The following DENND5B variants were observed in gnomAD, a reference collection of about 807,000 sequenced individuals.
DENND5B encodes DENN domain containing 5B, also known as DENN domain-containing protein 5B.
Under a neutral mutation model 140.6 loss-of-function variants are expected in DENND5B, and 34 were observed. The ratio of observed to expected loss-of-function variants is 0.24; its 90% CI spans 0.18 to 0.32. DENND5B has a LOEUF of 0.32. Ranked by LOEUF, DENND5B falls within the 10% of genes least tolerant of loss-of-function variation. DENND5B has a pLI of 1.00. For synonymous variants in DENND5B, 551 were observed against 562.1 expected, an observed-to-expected ratio of 0.98 and a Z score of 0.28; for missense variants, 1,142 against 1,560.2, an observed-to-expected ratio of 0.73 and a Z score of 4.52.
intron 1 of DENND5B, among the ~76,000 whole-genome samples, chr12:31,556,554 A>C (rs940316198): frequency 1.3e-5 from 2 of 152,146 alleles, no homozygotes; most frequent in African/African-American, 4.8e-5. Flanking sequence ...TGGGAATTTC[A>C]GAGGCTTTGC....
intron 3 of DENND5B, among the ~76,000 whole-genome samples, chr12:31,460,952 T>G (rs2682681): frequency 1.3e-5 from 2 of 152,086 alleles, no homozygotes; most frequent in Non-Finnish European, 2.9e-5. Context: ...TCTTGAACTC[T>G]TGACCTCAAG....
chr12:31,573,646 T>C (rs1050269666), intron 1 of DENND5B, among the ~76,000 whole-genome samples: 1 of 152,248 alleles, frequency 6.6e-6, no homozygotes, highest in Non-Finnish European at 1.5e-5. Context: ...GAGACTCTTA[T>C]AATGACTCCA....
At chr12:31,481,811 G>A (rs75658703) in intron 2 of DENND5B, among the ~76,000 whole-genome samples, 1,724 of 152,298 alleles carry the variant, frequency 0.011, 19 homozygotes, top group East Asian at 0.031. Flanking sequence ...AGAATTAGAC[G>A]TGCCTCTTAG....
At chr12:31,457,683 ATAGTT>A (rs1182237246) in intron 4 of DENND5B, among the ~76,000 whole-genome samples, 3 of 151,880 alleles carry the variant, frequency 2.0e-5, no homozygotes, top group African/African-American at 7.3e-5. Context: ...GTCCTAATTT[ATAGTT>A]TCTACACAGA....
chr12:31,482,787 G>T (rs1476123033), intron 2 of DENND5B, among the ~76,000 whole-genome samples: 1 of 152,102 alleles, frequency 6.6e-6, no homozygotes, highest in Non-Finnish European at 1.5e-5. Context: ...GTAACAGCCT[G>T]TTTCTGCCCT....
intron 1 of DENND5B, among the ~76,000 whole-genome samples, chr12:31,544,281 A>T (rs1021052586): frequency 5.3e-5 from 8 of 152,166 alleles, no homozygotes; most frequent in African/African-American, 1.7e-4. Context: ...TCACATTTTT[A>T]ATTTTAATTT....
rs140174791 is a variant in DENND5B, at chr12:31,451,784, T to C, written c.1629+156A>G. 3.6e-4 allele frequency: 303 copies of C among 834,730 alleles called. 3 individuals carry two copies. The African/African-American group carries it at 4.2e-3, about 12-fold the overall frequency. 51.7% of individuals were successfully genotyped at this position (834,730 alleles called of 1,614,324 possible). A position where few individuals can be genotyped will look rare whatever the true frequency, so the allele number is the denominator to read the frequency against. On this transcript the variant is annotated intron_variant, in intron 5 of 20. Transcript: ENST00000389082. ...ATACTTGGTAAAGAAAAGTTCTTAA[T>C]GGGGCTGGAAGACAAAAAGTCTGCA...
At chr12:31,392,152 G>GA (rs750612261) in intron 19 of DENND5B, 115 bp downstream of exon 19, 37 of 1,038,016 alleles carry the variant, frequency 3.6e-5, no homozygotes, top group African/African-American at 1.5e-4. Flanking sequence ...AAAAAAAAAA[G>GA]AAAAAAAATA....
chr12:31,487,641 G>A (rs909157378), intron 2 of DENND5B, among the ~76,000 whole-genome samples: 8 of 152,180 alleles, frequency 5.3e-5, no homozygotes, highest in Admixed American at 5.2e-4. Context: ...GGCAGAGGTT[G>A]CAGTGAGCCA....
At chr12:31,571,743 G>C (rs532353238) in intron 1 of DENND5B, among the ~76,000 whole-genome samples, 11 of 152,136 alleles carry the variant, frequency 7.2e-5, no homozygotes, top group African/African-American at 2.4e-4. Context: ...TCAACCTCCT[G>C]AGTAGCTGGG....
At chr12:31,447,208 T>C (rs545746759) in intron 6 of DENND5B, among the ~76,000 whole-genome samples, 3 of 151,934 alleles carry the variant, frequency 2.0e-5, no homozygotes, top group African/African-American at 7.3e-5. Context: ...GAGGCGGAGG[T>C]TGCAGTGAGT....
rs536837626 is a variant in DENND5B, at chr12:31,448,135, GTTTT to G, written c.1630-370_1630-367del. On this transcript the variant is annotated intron_variant, in intron 5 of 20. Coordinates refer to ENST00000389082, the MANE Select transcript of DENND5B (RefSeq NM_144973.4). ...CCTTTCCCCAATGAGTTGTAATTTC[GTTTT>G]TTTTTTTTCTTTGAGATGGAGTCTC... Among the ~76,000 whole-genome samples the G allele has an allele frequency of 1.6e-4, 23 of 145,808 alleles. 1 individual carries two copies. The highest frequency in any genetic ancestry group is 1.4e-3 in the Admixed American group (21 of 14,562).
intron 1 of DENND5B, among the ~76,000 whole-genome samples, chr12:31,503,213 T>C (rs919954596): frequency 1.3e-5 from 2 of 152,132 alleles, no homozygotes; most frequent in Non-Finnish European, 2.9e-5. Flanking sequence ...AGAGGGGAAT[T>C]ACACTATGAC....
At chr12:31,556,390 T>C (rs999342534) in intron 1 of DENND5B, among the ~76,000 whole-genome samples, 5 of 151,740 alleles carry the variant, frequency 3.3e-5, no homozygotes, top group South Asian at 2.1e-4. Flanking sequence ...TTAGTAGAGA[T>C]AGGGTTTCAC....
At chr12:31,545,884 G>A (rs1948836884) in intron 1 of DENND5B, among the ~76,000 whole-genome samples, 1 of 138,844 alleles carries the variant, frequency 7.2e-6, no homozygotes, top group Non-Finnish European at 1.5e-5. Flanking sequence ...ACTCGAGATA[G>A]AGGTTGCAGT....
chr12:31,492,909 T>C (rs1946590375), intron 2 of DENND5B, among the ~76,000 whole-genome samples: 1 of 152,246 alleles, frequency 6.6e-6, no homozygotes, highest in Non-Finnish European at 1.5e-5. Context: ...TCTCTGATTA[T>C]TTTAGTATTG....
chr12:31,392,601 A>G lies in DENND5B; in HGVS notation c.3339+13T>C. On this transcript the variant is annotated intron_variant, in intron 18 of 20. Transcript: ENST00000389082. ...AAAGTCCCACTATACTAAGTTTTAT[A>G]GCCCATAAATACCTCTTTTTCAGGT... The G allele has an allele frequency of 6.4e-7, 1 of 1,553,128 alleles. No individual in the cohort carries two copies. Among genetic ancestry groups the G allele is most frequent in the Admixed American group, 2.0e-5 (1 of 50,712 alleles).
intron 1 of DENND5B, among the ~76,000 whole-genome samples, chr12:31,497,435 AT>A (rs1230662525): frequency 6.6e-6 from 1 of 151,946 alleles, no homozygotes; most frequent in Non-Finnish European, 1.5e-5. Flanking sequence ...GAGTTTATCA[AT>A]TTTTGCACCA....
intron 1 of DENND5B, among the ~76,000 whole-genome samples, chr12:31,536,517 T>C (rs1228321879): frequency 6.6e-6 from 1 of 151,438 alleles, no homozygotes; most frequent in Non-Finnish European, 1.5e-5. Context: ...TATTTGAAAA[T>C]ACAGTCAGAG....
Sources: gnomAD v4.1 joint callset for allele counts (sites outside exome capture counted in the v4.1 genomes callset) on GRCh38, gnomAD v4.1.1 for gene constraint, MANE v1.5 for transcripts, NCBI Gene and HGNC (gene_info 2026-07-23, HGNC 2026-07-21) for gene names.